The following NLGN4X variants were observed in gnomAD, a reference collection of about 807,000 sequenced individuals.
NLGN4X encodes neuroligin 4 X-linked, also known as neuroligin-4, X-linked.
Under a neutral mutation model 40.3 loss-of-function variants are expected in NLGN4X, and 3 were observed. That is an observed-to-expected ratio of 0.07 (90% CI 0.03 to 0.19). The LOEUF is 0.19. Among genes scored for constraint, NLGN4X ranks in the 10% least tolerant of loss-of-function variants. NLGN4X has a pLI of 1.00. For synonymous variants in NLGN4X, 270 were observed against 306.8 expected (o/e 0.88, Z 1.25); for missense variants, 382 against 708.3 (o/e 0.54, Z 5.23).
At chrX:6,223,165 CTATA>C (rs1925860347) in intron 1 of NLGN4X, among the ~76,000 whole-genome samples, 1 of 110,574 alleles carries the variant, frequency 9.0e-6, no homozygotes, top group African/African-American at 3.3e-5. Context: ...ACATATCTTA[CTATA>C]TATAGTTTTT....
At chrX:6,154,064 G>A (rs2100110698) in intron 1 of NLGN4X, among the ~76,000 whole-genome samples, 1 of 112,074 alleles carries the variant, frequency 8.9e-6, no homozygotes, top group Non-Finnish European at 1.9e-5. Flanking sequence ...ATGACATTGT[G>A]AACCATATAA....
chrX:5,923,681 G>GC (rs1042347564), intron 3 of NLGN4X, among the ~76,000 whole-genome samples: 1 of 111,632 alleles, frequency 9.0e-6, no homozygotes, highest in Non-Finnish European at 1.9e-5. Flanking sequence ...GGAAGGGCCT[G>GC]CCCCCATGAT....
At chrX:5,921,148 C>CATATATATATATATATATATACATAT (rs370461333) in intron 3 of NLGN4X, among the ~76,000 whole-genome samples, 2 of 91,035 alleles carry the variant, frequency 2.2e-5, no homozygotes, top group African/African-American at 8.0e-5. Context: ...TATATATATA[C>CATATATATATATATATATATACATAT]ATATATATAT....
intron 2 of NLGN4X, among the ~76,000 whole-genome samples, chrX:6,082,948 G>GGTTTTTTTTTTTTTTTTTTTTTTT (rs2038390927): frequency 1.4e-5 from 1 of 70,377 alleles, no homozygotes; most frequent in African/African-American, 4.8e-5. Context: ...GCCATGATGC[G>GGTTTTTTTTTTTTTTTTTTTTTTT]TTTTTTTCTT....
chrX:6,118,890 G>A (rs997360248), intron 2 of NLGN4X, among the ~76,000 whole-genome samples: 2 of 111,093 alleles, frequency 1.8e-5, no homozygotes, highest in African/African-American at 3.3e-5. Context: ...TTCCTTGGAC[G>A]CATCAAGGAT....
chrX:5,983,169 T>C (rs1215571970), intron 3 of NLGN4X, among the ~76,000 whole-genome samples: 1 of 111,984 alleles, frequency 8.9e-6, no homozygotes, highest in Non-Finnish European at 1.9e-5. Context: ...TCTACCTTCA[T>C]AACATCTATG....
At chrX:5,938,193 T>C (rs1480102509) in intron 3 of NLGN4X, among the ~76,000 whole-genome samples, 1 of 111,468 alleles carries the variant, frequency 9.0e-6, no homozygotes, top group Non-Finnish European at 1.9e-5. Context: ...AGGGTTAGGA[T>C]AGCTTTCAGG....
At chrX:6,083,026 C>T (rs907596309) in intron 2 of NLGN4X, among the ~76,000 whole-genome samples, 1 of 95,125 alleles carries the variant, frequency 1.1e-5, no homozygotes, top group Non-Finnish European at 2.1e-5. Context: ...GGCGCAATCT[C>T]GGCTCACTGC....
In NLGN4X at chrX:6,151,278, G is replaced by A. The variant is rs369478206; in HGVS notation, c.189C>T (p.Pro63=). The part of the protein sequence containing the change: ...GKIRGLRTPL[P]NEILGPVEQY... The stretch of plus-strand genomic sequence containing the variant: ...GCTCCACTGGACCCAAGATCTCATT[G>A]GGTAACGGTGTTCTTAGGCCCCGGA... The change falls in exon 2 of 6, where the codon CCC becomes CCT. Residue 63 remains proline, a synonymous_variant. Coordinates refer to ENST00000381095, the MANE Select transcript of NLGN4X (RefSeq NM_181332.3). 11 of 1,209,895 alleles carry A rather than the reference G, an allele frequency of 9.1e-6. No individual in the cohort carries two copies. In the African/African-American group the frequency reaches 1.4e-4, roughly 15 times the overall value.
At chrX:6,219,406 A>C (rs769843092) in intron 1 of NLGN4X, among the ~76,000 whole-genome samples, 7 of 39,276 alleles carry the variant, frequency 1.8e-4, no homozygotes, top group East Asian at 6.1e-4. Context: ...TCTTTCCTTC[A>C]TTCCCTCCCT....
chrX:5,954,642 C>CTG (rs2034431923), intron 3 of NLGN4X, among the ~76,000 whole-genome samples: 2 of 107,586 alleles, frequency 1.9e-5, no homozygotes, highest in Non-Finnish European at 3.9e-5. Context: ...CTGTCTCTCT[C>CTG]TCTCTCTCTC....
intron 3 of NLGN4X, among the ~76,000 whole-genome samples, chrX:5,935,351 T>C (rs2033699011): frequency 8.9e-6 from 1 of 112,241 alleles, no homozygotes; most frequent in South Asian, 3.7e-4. Context: ...TTTATTTATA[T>C]CTTACTTCAA....
chrX:6,082,948 G>GTTTTTTTTTTTTTTTT (rs930625574), intron 2 of NLGN4X, among the ~76,000 whole-genome samples: 5 of 70,356 alleles, frequency 7.1e-5, no homozygotes, highest in African/African-American at 1.9e-4. Flanking sequence ...GCCATGATGC[G>GTTTTTTTTTTTTTTTT]TTTTTTTCTT....
At chrX:6,059,460 CTAAT>C (rs1230152582) in intron 2 of NLGN4X, among the ~76,000 whole-genome samples, 1 of 111,743 alleles carries the variant, frequency 8.9e-6, no homozygotes, top group Non-Finnish European at 1.9e-5. Context: ...GCCTTGTTCT[CTAAT>C]TGTCTACCCC....
intron 1 of NLGN4X, among the ~76,000 whole-genome samples, chrX:6,222,671 T>G (rs1780617263): frequency 8.9e-6 from 1 of 112,634 alleles, no homozygotes. Flanking sequence ...TAAAACCTCA[T>G]GATATGGTTT....
At chrX:5,913,071 AAAGG>A (rs754665190) in intron 3 of NLGN4X, among the ~76,000 whole-genome samples, 3 of 92,602 alleles carry the variant, frequency 3.2e-5, no homozygotes, top group African/African-American at 4.4e-5. Context: ...AGGAAGGAAG[AAAGG>A]AAGGAAGGAA....
chrX:6,128,878 T>C (rs2039619266), intron 2 of NLGN4X, among the ~76,000 whole-genome samples: 1 of 112,331 alleles, frequency 8.9e-6, no homozygotes, highest in Non-Finnish European at 1.9e-5. Flanking sequence ...ACTATATATA[T>C]ATGCATTCTT....
intron 3 of NLGN4X, among the ~76,000 whole-genome samples, chrX:5,946,860 T>C (rs2034140326): frequency 9.0e-6 from 1 of 111,095 alleles, no homozygotes; most frequent in Non-Finnish European, 1.9e-5. Flanking sequence ...GGCCCCAGTG[T>C]CTGTTGTTCC....
rs2036898473 is a variant in NLGN4X at position 6,032,631 on chromosome X, G to A, written c.473-3199C>T. On this transcript the variant is annotated intron_variant, in intron 2 of 5. Coordinates refer to ENST00000381095, the MANE Select transcript of NLGN4X (RefSeq NM_181332.3). ...AACAGATTGAAATGAAAAAAAAAAA[G>A]AGAGATAGATAGATATAAAATCATG... 9.8e-6 allele frequency: 7 copies of A among 710,686 alleles called. No homozygotes were observed. The Admixed American group carries it at 1.4e-4, about 15-fold the overall frequency. The allele number at this position is 710,686 out of a possible 1,213,427, so 58.6% of individuals were successfully genotyped here. A position where few individuals can be genotyped will look rare whatever the true frequency, so the allele number is the denominator to read the frequency against.
Sources: allele counts gnomAD v4.1 joint callset (sites outside exome capture counted in the v4.1 genomes callset), GRCh38; gene constraint gnomAD v4.1.1; transcripts MANE v1.5; gene names NCBI Gene and HGNC (gene_info 2026-07-23, HGNC 2026-07-21).